PCDHGB4: variants seen among roughly 807,000 people sequenced by gnomAD.
PCDHGB4 encodes protocadherin gamma subfamily B, 4, also known as protocadherin gamma-B4.
PCDHGB4 carries 38 observed loss-of-function variants against 60.5 expected under a neutral mutation model. The ratio of observed to expected loss-of-function variants is 0.63; its 90% CI spans 0.48 to 0.82. The LOEUF is 0.82. Among genes scored for constraint, PCDHGB4 ranks in the 40% least tolerant of loss-of-function variants. The pLI is 0.00. For missense variants in PCDHGB4, 1,109 were observed against 1,209.6 expected, an observed-to-expected ratio of 0.92 and a Z score of 1.23; for synonymous variants, 456 against 509.7, an observed-to-expected ratio of 0.89 and a Z score of 1.42.
rs773522759 is a variant in PCDHGB4, at chr5:141,419,457, A to G, written c.2397+29176A>G. The G allele has an allele frequency of 7.4e-6, 12 of 1,612,610 alleles. No homozygotes were observed. The South Asian group carries it at 1.3e-4, about 18-fold the overall frequency. On this transcript the variant is annotated intron_variant, in intron 1 of 3. Transcript: ENST00000519479. ...CTGCGCACCTTCGAGCTCACGCTGC[A>G]GGCCCGCGACCAGGGCTCGCCCGCG...
At chr5:141,501,116 C>T (rs1325487254) in intron 2 of PCDHGB4, among the ~76,000 whole-genome samples, 1 of 152,154 alleles carries the variant, frequency 6.6e-6, no homozygotes, top group Non-Finnish European at 1.5e-5. Flanking sequence ...ATCCGCCTGC[C>T]TCAGCCTCCC....
chr5:141,431,916 T>C lies in PCDHGB4; in HGVS notation c.2397+41635T>C, dbSNP rs2097428336. 1 of 1,614,056 alleles carries C rather than the reference T, an allele frequency of 6.2e-7. No homozygotes were observed. Among genetic ancestry groups the C allele is most frequent in the Middle Eastern group, 1.6e-4 (1 of 6,062 alleles). ...GAAAACGGACAGGTGATCTGTTTCA[T>C]CCAAGGAAATCTGCCCTTTAAATTA... On this transcript the variant is annotated intron_variant, in intron 1 of 3. Transcript: ENST00000519479. The surrounding 1 kb of genome is among the most constrained non-coding windows in gnomAD (Gnocchi z 4.8).
chr5:141,418,579 A>G (rs1561774780), intron 1 of PCDHGB4: 1 of 1,614,000 alleles, frequency 6.2e-7, no homozygotes, highest in Admixed American at 1.7e-5. Flanking sequence ...ACAACCCCCC[A>G]GTGTTCAGCC....
chr5:141,436,080 T>C (rs755968267), intron 1 of PCDHGB4, among the ~76,000 whole-genome samples: 1 of 152,204 alleles, frequency 6.6e-6, no homozygotes, highest in Admixed American at 6.5e-5. Context: ...CAGTGTTCTA[T>C]AGGTAATATT....
Position 141,432,206 on chromosome 5 carries a change from G to T in PCDHGB4, c.2397+41925G>T, listed in dbSNP as rs551220443. ...GACCGCCCACGACCCCGACTGTGAA[G>T]AGAACGCCCAGATCACTTATTCCCT... On this transcript the variant is annotated intron_variant, in intron 1 of 3. Coordinates refer to ENST00000519479, the MANE Select transcript of PCDHGB4 (RefSeq NM_003736.4). The surrounding 1 kb of genome is among the most constrained non-coding windows in gnomAD (Gnocchi z 6.0). 12 of 1,614,214 alleles carry T rather than the reference G, an allele frequency of 7.4e-6. No individual in the cohort carries two copies. The Admixed American group carries it at 8.3e-5, about 11-fold the overall frequency.
Position 141,491,737 on chromosome 5 carries a change from G to C in PCDHGB4, c.2398-3070G>C, listed in dbSNP as rs548808722. 1.2e-6 allele frequency: 2 copies of C among 1,600,586 alleles called. No homozygotes were observed. The highest frequency in any genetic ancestry group is 2.7e-5 in the African/African-American group (2 of 74,486). On this transcript the variant is annotated intron_variant, in intron 1 of 3. Transcript: ENST00000519479. The surrounding 1 kb of genome is among the most constrained non-coding windows in gnomAD (Gnocchi z 6.9). ...GGCGCCGCCCCGGGCGACCCCTGGG[G>C]GCGGCACTGGAGAAGCCGCCCGTCC...
chr5:141,502,679 T>C (rs943238781), intron 2 of PCDHGB4, among the ~76,000 whole-genome samples: 1 of 152,236 alleles, frequency 6.6e-6, no homozygotes, highest in Non-Finnish European at 1.5e-5. Flanking sequence ...TAGTATTCCC[T>C]GATGATCCTT....
chr5:141,411,079 T>C (rs1178503371), intron 1 of PCDHGB4: 2 of 154,384 alleles, frequency 1.3e-5, no homozygotes, highest in African/African-American at 2.4e-5. Flanking sequence ...CAGAAACTCC[T>C]GTCCTCGTGA....
chr5:141,388,779 A>C lies in PCDHGB4; in HGVS notation c.895A>C (p.Ile299Leu), dbSNP rs2091486135. The C allele has an allele frequency of 4.3e-6, 7 of 1,613,974 alleles. No individual in the cohort carries two copies. In the East Asian group the frequency reaches 1.6e-4, roughly 36 times the overall value. Residue 299 changes from isoleucine to leucine, a missense_variant, in exon 1 of 4, where the codon ATT (isoleucine) becomes CTT (leucine). Coordinates refer to ENST00000519479, the MANE Select transcript of PCDHGB4 (RefSeq NM_003736.4). ...TGACCTGAACTCTAACACCGGGGAAATTACTGTTTTAAATACATTAGATTT... is the reference window on the plus strand; with the variant it reads ...TGACCTGAACTCTAACACCGGGGAACTTACTGTTTTAAATACATTAGATTT... ...QFDLNSNTGE[I>L]TVLNTLDFEE...
intron 1 of PCDHGB4, chr5:141,403,578 A>G: frequency 6.2e-7 from 1 of 1,613,850 alleles, no homozygotes. Context: ...ACTGCCCACC[A>G]CCTGGTCCTC....
At chr5:141,443,952 A>T (rs1355073040) in intron 1 of PCDHGB4, among the ~76,000 whole-genome samples, 4 of 152,134 alleles carry the variant, frequency 2.6e-5, no homozygotes, top group Non-Finnish European at 4.4e-5. Context: ...CCTTATTGGT[A>T]TGTATTCTGT....
Position 141,476,115 on chromosome 5 carries a change from A to G in PCDHGB4, c.2398-18692A>G. 1 of 1,592,814 alleles carries G rather than the reference A, an allele frequency of 6.3e-7. No homozygotes were observed. The highest frequency in any genetic ancestry group is 8.5e-7 in the Non-Finnish European group (1 of 1,171,734). On this transcript the variant is annotated intron_variant, in intron 1 of 3. Coordinates refer to ENST00000519479, the MANE Select transcript of PCDHGB4 (RefSeq NM_003736.4). This position sits in a 1 kb window ranked among gnomAD's most constrained non-coding sequence, Gnocchi z 7.6. ...CGCTGAGAGGAACTGCTTTTGAGTG[A>G]GATGGTCCCAGAGGCCTGGAGGAGC...
At chr5:141,394,783 C>A in intron 1 of PCDHGB4, 7 of 1,613,732 alleles carry the variant, frequency 4.3e-6, no homozygotes, top group Non-Finnish European at 5.9e-6. Flanking sequence ...CTCTCCGCCA[C>A]TGTCACGCTC....
chr5:141,457,058 T>A (rs756862311), intron 1 of PCDHGB4, among the ~76,000 whole-genome samples: 2 of 152,230 alleles, frequency 1.3e-5, no homozygotes, highest in Non-Finnish European at 2.9e-5. Flanking sequence ...TCATGCTTCC[T>A]TTTTGCCAGT....
chr5:141,483,432 ACT>A (rs2099581241), intron 1 of PCDHGB4, among the ~76,000 whole-genome samples: 1 of 152,200 alleles, frequency 6.6e-6, no homozygotes, highest in African/African-American at 2.4e-5. Flanking sequence ...GAGGGAGCTG[ACT>A]ACAATAAAAT....
In PCDHGB4 at chr5:141,491,928, G is replaced by T; in HGVS notation, c.2398-2879G>T. 1 of 1,301,482 alleles carries T rather than the reference G, an allele frequency of 7.7e-7. No homozygotes were observed. Among genetic ancestry groups the T allele is most frequent in the South Asian group, 1.6e-5 (1 of 63,466 alleles). 80.6% of individuals were successfully genotyped at this position (1,301,482 alleles called of 1,614,324 possible). A position where few individuals can be genotyped will look rare whatever the true frequency, so the allele number is the denominator to read the frequency against. On this transcript the variant is annotated intron_variant, in intron 1 of 3. Coordinates refer to ENST00000519479, the MANE Select transcript of PCDHGB4 (RefSeq NM_003736.4). The surrounding 1 kb of genome is among the most constrained non-coding windows in gnomAD (Gnocchi z 6.9). ...TGGTGGCGACTGTGGGCGAGGGGAG[G>T]TGGGACCGACCCCCACCCCTACACT... is the stretch of plus-strand genomic sequence containing the variant.
chr5:141,394,252 A>G, intron 1 of PCDHGB4: 1 of 1,613,902 alleles, frequency 6.2e-7, no homozygotes, highest in Non-Finnish European at 8.5e-7. Flanking sequence ...CACGACCCCG[A>G]CAGCCAGGAG....
At chr5:141,405,505 C>A in intron 1 of PCDHGB4, 2 of 751,126 alleles carry the variant, frequency 2.7e-6, no homozygotes, top group Non-Finnish European at 4.2e-6. Context: ...TTGCAACCTC[C>A]GCCTCCCAAA....
At chr5:141,391,607 A>G (rs1436377162) in intron 1 of PCDHGB4, 1 of 152,212 alleles carries the variant, frequency 6.6e-6, no homozygotes, top group Non-Finnish European at 1.5e-5. Flanking sequence ...TTCAGATTTC[A>G]TGAGTGGTTT....
Sources: gnomAD v4.1 joint callset for allele counts (sites outside exome capture counted in the v4.1 genomes callset) on GRCh38, gnomAD v4.1.1 for gene constraint, Gnocchi (gnomAD v3.1) non-coding constraint, MANE v1.5 for transcripts, NCBI Gene and HGNC (gene_info 2026-07-23, HGNC 2026-07-21) for gene names.